The following PKHD1 variants were observed in gnomAD, a reference collection of about 807,000 sequenced individuals.
PKHD1 encodes PKHD1 ciliary IPT domain containing fibrocystin/polyductin.
In PKHD1, 291 loss-of-function variants were observed where a neutral mutation model predicts 412.0. That is an observed-to-expected ratio of 0.71 (90% CI 0.64 to 0.78). The LOEUF (loss-of-function observed/expected upper bound fraction) is 0.78. Among genes scored for constraint, PKHD1 ranks in the 30% least tolerant of loss-of-function variants. The pLI, the probability that PKHD1 is intolerant of heterozygous loss-of-function variation, is 0.00. For missense variants in PKHD1, 4,825 were observed against 4,950.7 expected (o/e 0.97, Z 0.76); for synonymous variants, 1,777 against 1,821.5 (o/e 0.98, Z 0.62).
chr6:51,856,408 C>T (rs1046511142), intron 48 of PKHD1, among the ~76,000 whole-genome samples: 1 of 152,232 alleles, frequency 6.6e-6, no homozygotes, highest in Non-Finnish European at 1.5e-5. Flanking sequence ...GCAGTCTCAG[C>T]TCACTGCAAC....
Position 51,748,680 on chromosome 6 carries a change from A to C in PKHD1, c.8951-15T>G. 6.2e-7 allele frequency: 1 copy of C among 1,612,332 alleles called. No individual in the cohort carries two copies. On this transcript the variant is annotated splice_polypyrimidine_tract_variant and intron_variant, in intron 57 of 66. Coordinates refer to ENST00000371117, the MANE Select transcript of PKHD1 (RefSeq NM_138694.4). ...TTGAAGGACACCTATAAACAAATGC[A>C]TGTCATCAGGTACTTTCCTCTTCCC...
chr6:51,880,965 CAAAA>C (rs1242623170), intron 46 of PKHD1, among the ~76,000 whole-genome samples: 1 of 84,170 alleles, frequency 1.2e-5, no homozygotes. Context: ...GACTCCGTCT[CAAAA>C]AAAAAAAAAA....
chr6:51,920,552 A>G (rs1224714988), intron 37 of PKHD1, among the ~76,000 whole-genome samples: 1 of 152,124 alleles, frequency 6.6e-6, no homozygotes, highest in Non-Finnish European at 1.5e-5. Flanking sequence ...GGATTTTTGC[A>G]TCAATGTTTA....
chr6:51,963,686 C>A (rs527436909), intron 35 of PKHD1, among the ~76,000 whole-genome samples: 1 of 152,132 alleles, frequency 6.6e-6, no homozygotes, highest in South Asian at 2.1e-4. Flanking sequence ...CACCTTCCAA[C>A]ATCTTCATCC....
intron 13 of PKHD1, among the ~76,000 whole-genome samples, chr6:52,063,824 T>G (rs1809077172): frequency 2.0e-5 from 3 of 152,198 alleles, no homozygotes; most frequent in African/African-American, 7.2e-5. Context: ...CCATAGTAAT[T>G]CGCCCAGCTT....
intron 30 of PKHD1, 31 bp from the exon 31 acceptor site, chr6:52,027,927 A>C (rs1802464728): frequency 6.5e-7 from 1 of 1,535,124 alleles, no homozygotes; most frequent in African/African-American, 1.4e-5. Flanking sequence ...TTTAGGAAAT[A>C]ACTGACAGAG....
intron 35 of PKHD1, among the ~76,000 whole-genome samples, chr6:51,991,253 AG>A (rs1797008774): frequency 6.6e-6 from 1 of 152,228 alleles, no homozygotes; most frequent in African/African-American, 2.4e-5. Flanking sequence ...CTGGAATGGA[AG>A]ATAGAAACAA....
intron 55 of PKHD1, among the ~76,000 whole-genome samples, chr6:51,761,063 T>A (rs763411969): frequency 4.6e-5 from 7 of 152,030 alleles, no homozygotes; most frequent in Non-Finnish European, 1.0e-4. Flanking sequence ...GATCCAGCAA[T>A]CCATCTTCTA....
rs756198378 is a variant in PKHD1, at chr6:51,619,411, A to G, written c.11895T>C (p.Ala3965=). The G allele has an allele frequency of 6.2e-7, 1 of 1,613,516 alleles. No homozygotes were observed. The highest frequency in any genetic ancestry group is 8.5e-7 in the Non-Finnish European group (1 of 1,179,548). ...CAGTAGTACCAGGAGCAGGCACAGC[A>G]GCCTCTTCCTCTCGGACAATGTGGC... The part of the protein sequence containing the change: ...VSRHIVREEE[A]AVPAPGTTGI... The change falls in exon 67 of 67, where the codon GCT becomes GCC. Residue 3965 remains alanine (A), a synonymous_variant. Coordinates refer to ENST00000371117, the MANE Select transcript of PKHD1 (RefSeq NM_138694.4).
At chr6:52,028,097 A>G (rs1220323379) in intron 30 of PKHD1, 59 bp downstream of exon 30, 1 of 1,497,602 alleles carries the variant, frequency 6.7e-7, no homozygotes, top group Admixed American at 1.7e-5. Context: ...AATTAGAATT[A>G]CCTAGCTGAA....
chr6:52,030,163 G>T (rs1802825017), intron 29 of PKHD1, among the ~76,000 whole-genome samples: 1 of 152,204 alleles, frequency 6.6e-6, no homozygotes, highest in African/African-American at 2.4e-5. Context: ...AGGAAAAAGA[G>T]GTTGCTTGAA....
intron 5 of PKHD1, 24 bp downstream of exon 5, chr6:52,079,876 C>A (rs1321645981): frequency 7.8e-7 from 1 of 1,286,464 alleles, no homozygotes; most frequent in South Asian, 1.2e-5. Context: ...TGTAAACATA[C>A]CTTCCTCCAG....
intron 60 of PKHD1, among the ~76,000 whole-genome samples, chr6:51,685,427 C>T (rs7763121): frequency 0.2 from 30,835 of 151,992 alleles, 4,102 homozygotes; most frequent in African/African-American, 0.38. Context: ...TTTCCTCTTA[C>T]TTGTTTTAAA....
chr6:52,059,083 T>C lies in PKHD1; in HGVS notation c.1234-482A>G, dbSNP rs191088208. On this transcript the variant is annotated intron_variant, in intron 15 of 66. Transcript: ENST00000371117. ...TGGCTGCTGTTAAAGGCATCTTTTC[T>C]TATCCTTCAATGTTGTTGAGGAATT... 4.0e-3 allele frequency among the ~76,000 whole-genome samples: 602 copies of C among 152,258 alleles called. 4 individuals carry two copies. The highest frequency in any genetic ancestry group is 6.9e-3 in the Non-Finnish European group (471 of 68,016).
At chr6:51,824,705 G>C (rs894133864) in intron 52 of PKHD1, among the ~76,000 whole-genome samples, 2 of 152,096 alleles carry the variant, frequency 1.3e-5, no homozygotes, top group Non-Finnish European at 2.9e-5. Flanking sequence ...TTGTCTCCCT[G>C]GATCTTTAAT....
chr6:51,627,881 C>T (rs1011563940), intron 65 of PKHD1, among the ~76,000 whole-genome samples: 30 of 152,078 alleles, frequency 2.0e-4, no homozygotes, highest in African/African-American at 6.8e-4. Context: ...ATTTACATTC[C>T]TCATGTCAGG....
At chr6:51,827,123 G>A (rs989499843) in intron 52 of PKHD1, among the ~76,000 whole-genome samples, 5 of 152,004 alleles carry the variant, frequency 3.3e-5, no homozygotes, top group African/African-American at 7.2e-5. Context: ...CATTAAAATC[G>A]TATTATGTAA....
In PKHD1 at chr6:52,058,317, A is replaced by T. The variant is rs1157821951; in HGVS notation, c.1512+6T>A. ...CAGCTCCATGGGACTGGAAAGAGACACAGACCTGTACTTCTGGAAGCCTCT... is the reference window on the plus strand; with the variant it reads ...CAGCTCCATGGGACTGGAAAGAGACTCAGACCTGTACTTCTGGAAGCCTCT... On this transcript the variant is annotated splice_donor_region_variant and intron_variant, in intron 16 of 66. Coordinates refer to ENST00000371117, the MANE Select transcript of PKHD1 (RefSeq NM_138694.4). 1 of 1,613,876 alleles carries T rather than the reference A, an allele frequency of 6.2e-7. No individual in the cohort carries two copies. Among genetic ancestry groups the T allele is most frequent in the East Asian group, 2.2e-5 (1 of 44,906 alleles).
intron 53 of PKHD1, among the ~76,000 whole-genome samples, chr6:51,784,640 T>C (rs1792571538): frequency 6.6e-6 from 1 of 152,332 alleles, no homozygotes; most frequent in East Asian, 1.9e-4. Context: ...TAATTTGGAC[T>C]CATTTAGAAA....
Sources: allele counts gnomAD v4.1 joint callset (sites outside exome capture counted in the v4.1 genomes callset), GRCh38; gene constraint gnomAD v4.1.1; transcripts MANE v1.5; gene names NCBI Gene and HGNC (gene_info 2026-07-23, HGNC 2026-07-21).